Variants in VRK2 observed in about 807,000 individuals in gnomAD.
VRK2 encodes VRK serine/threonine kinase 2.
In VRK2, 60 loss-of-function variants were observed where a neutral mutation model predicts 57.6. The ratio of observed to expected loss-of-function variants is 1.04; its 90% confidence interval spans 0.85 to 1.29. The LOEUF is 1.29. Among genes scored for constraint, VRK2 ranks in the 50% most tolerant of loss-of-function variants. The pLI is 0.00. For missense variants in VRK2, 705 were observed against 588.1 expected (o/e 1.20, Z -2.06); for synonymous variants, 231 against 199.2 (o/e 1.16, Z -1.35).
chr2:58,121,357 A>T (rs1677488626), intron 7 of VRK2, among the ~76,000 whole-genome samples: 1 of 152,188 alleles, frequency 6.6e-6, no homozygotes, highest in Admixed American at 6.5e-5. Context: ...CATTTTTCTG[A>T]TATCTGCTTT....
At chr2:57,975,945 T>C (rs1672239376) in intron 1 of VRK2, among the ~76,000 whole-genome samples, 1 of 151,934 alleles carries the variant, frequency 6.6e-6, no homozygotes, top group African/African-American at 2.4e-5. Context: ...TAGACTCCAG[T>C]GTCTGTTGTT....
At chr2:58,040,753 T>C (rs1055089981) in intron 3 of VRK2, among the ~76,000 whole-genome samples, 2 of 152,172 alleles carry the variant, frequency 1.3e-5, no homozygotes, top group South Asian at 2.1e-4. Flanking sequence ...GTGTCAACAG[T>C]AGATACCAAC....
intron 1 of VRK2, among the ~76,000 whole-genome samples, chr2:58,003,711 C>G (rs1673157265): frequency 6.6e-6 from 1 of 152,030 alleles, no homozygotes; most frequent in African/African-American, 2.4e-5. Flanking sequence ...TTTCTACAAC[C>G]TTCTTTTCTT....
intron 5 of VRK2, 112 bp from the exon 6 acceptor site, chr2:58,088,229 G>C: frequency 1.4e-6 from 1 of 730,120 alleles, no homozygotes; most frequent in South Asian, 1.7e-5. Context: ...GGTTTAGATT[G>C]CATTATACTT....
intron 1 of VRK2, among the ~76,000 whole-genome samples, chr2:57,990,195 A>G (rs936297185): frequency 6.6e-6 from 1 of 152,244 alleles, no homozygotes; most frequent in African/African-American, 2.4e-5. Context: ...ACATGTGAGA[A>G]CAATTTCTGA....
intron 11 of VRK2, among the ~76,000 whole-genome samples, chr2:58,142,843 G>T (rs1344207454): frequency 6.6e-6 from 1 of 151,678 alleles, no homozygotes; most frequent in African/African-American, 2.4e-5. Context: ...ACCTTATTAT[G>T]GTGCTTGAAT....
intron 1 of VRK2, among the ~76,000 whole-genome samples, chr2:57,999,718 G>C (rs1009899813): frequency 6.6e-6 from 1 of 152,140 alleles, no homozygotes; most frequent in African/African-American, 2.4e-5. Context: ...TTAGTTTTTA[G>C]AGTTAGTGTA....
intron 1 of VRK2, among the ~76,000 whole-genome samples, chr2:57,914,894 T>G (rs1288307962): frequency 6.6e-6 from 1 of 152,112 alleles, no homozygotes; most frequent in Non-Finnish European, 1.5e-5. Context: ...CATAACAACA[T>G]TTAAATACAT....
chr2:58,097,464 G>T (rs1304100395), intron 7 of VRK2, among the ~76,000 whole-genome samples: 2 of 152,020 alleles, frequency 1.3e-5, no homozygotes, highest in South Asian at 4.1e-4. Flanking sequence ...TGTAGTACTT[G>T]CTACAACAAC....
exon 1 of VRK2, chr2:57,907,746 G>A (rs1669869952): frequency 6.6e-6 from 1 of 152,190 alleles, no homozygotes; most frequent in Non-Finnish European, 1.5e-5. Flanking sequence ...CATCCTACAA[G>A]ATGCTTCTCA....
chr2:58,015,239 T>C (rs1673545056), intron 1 of VRK2, among the ~76,000 whole-genome samples: 2 of 152,234 alleles, frequency 1.3e-5, no homozygotes, highest in South Asian at 4.1e-4. Flanking sequence ...CTTAGGTTTG[T>C]TCATTTCCTT....
intron 1 of VRK2, among the ~76,000 whole-genome samples, chr2:57,957,072 G>A (rs1294698162): frequency 6.6e-6 from 1 of 151,922 alleles, no homozygotes; most frequent in Non-Finnish European, 1.5e-5. Context: ...AATAGAGGAG[G>A]TGAGAAAAAA....
intron 1 of VRK2, among the ~76,000 whole-genome samples, chr2:57,960,653 C>G (rs569200009): frequency 6.6e-6 from 1 of 152,214 alleles, no homozygotes; most frequent in African/African-American, 2.4e-5. Flanking sequence ...CTCCCACACA[C>G]ATACTGGGTG....
At chr2:58,084,288 C>A in intron 3 of VRK2, 150 bp downstream of exon 3, 1 of 785,168 alleles carries the variant, frequency 1.3e-6, no homozygotes. Flanking sequence ...AACATTAAAA[C>A]TGGAGAACCT....
At chr2:57,953,176 C>T (rs1215056867) in intron 1 of VRK2, among the ~76,000 whole-genome samples, 1 of 152,194 alleles carries the variant, frequency 6.6e-6, no homozygotes, top group Non-Finnish European at 1.5e-5. Flanking sequence ...TATTTACTTT[C>T]CCATCTCTGT....
chr2:58,032,800 C>A (rs1674156943), intron 2 of VRK2, among the ~76,000 whole-genome samples: 1 of 152,070 alleles, frequency 6.6e-6, no homozygotes, highest in Non-Finnish European at 1.5e-5. Context: ...GCAAGTGGGA[C>A]ATGCATAGTT....
intron 9 of VRK2, 138 bp from the exon 10 acceptor site, chr2:58,135,003 A>G: frequency 2.5e-6 from 2 of 797,708 alleles, no homozygotes; most frequent in South Asian, 1.7e-5. Context: ...CCTATCCATT[A>G]TAGTTGGGTG....
chr2:58,136,352 T>A (rs766518955), intron 10 of VRK2, among the ~76,000 whole-genome samples: 16 of 151,942 alleles, frequency 1.1e-4, no homozygotes, highest in Non-Finnish European at 1.8e-4. Flanking sequence ...TTGGTCAAAA[T>A]GGCAGTACTC....
chr2:58,050,168 A>C (rs1675497114), intron 2 of VRK2, among the ~76,000 whole-genome samples: 2 of 152,224 alleles, frequency 1.3e-5, no homozygotes, highest in Non-Finnish European at 2.9e-5. Context: ...TAAAAGAAAC[A>C]GGTGAAATTA....
Sources: allele counts gnomAD v4.1 joint callset (sites outside exome capture counted in the v4.1 genomes callset), GRCh38; gene constraint gnomAD v4.1.1; transcripts MANE v1.5; gene names NCBI Gene and HGNC (gene_info 2026-07-23, HGNC 2026-07-21).